The following NCOA1 variants were observed in gnomAD, a reference collection of about 807,000 sequenced individuals.
The protein encoded by NCOA1 is Hin-2 protein.
In NCOA1, 35 loss-of-function variants were observed where a neutral mutation model predicts 150.9. The ratio of observed to expected loss-of-function variants is 0.23; its 90% CI spans 0.18 to 0.31. The LOEUF (loss-of-function observed/expected upper bound fraction) is 0.31. Among genes scored for constraint, NCOA1 ranks in the 10% least tolerant of loss-of-function variants. The pLI is 1.00. For missense variants in NCOA1, 1,491 were observed against 1,749.3 expected, an observed-to-expected ratio of 0.85 and a Z score of 2.63; for synonymous variants, 590 against 630.0, an observed-to-expected ratio of 0.94 and a Z score of 0.95.
intron 14 of NCOA1, among the ~76,000 whole-genome samples, chr2:24,723,116 A>G (rs924572917): frequency 6.6e-6 from 1 of 152,114 alleles, no homozygotes; most frequent in Admixed American, 6.5e-5. Flanking sequence ...ATATATAGTG[A>G]AAAATATCTT....
chr2:24,714,844 T>G, intron 14 of NCOA1, among the ~76,000 whole-genome samples: 1 of 151,950 alleles, frequency 6.6e-6, no homozygotes, highest in East Asian at 1.9e-4. Flanking sequence ...AAGAGTTTAA[T>G]GAATCCCAAG....
rs773372647 is a variant in NCOA1 at position 24,742,034 on chromosome 2, G to A, written c.3554G>A (p.Ser1185Asn). 2 of 1,614,052 alleles carry A rather than the reference G, an allele frequency of 1.2e-6. No homozygotes were observed. Among genetic ancestry groups the A allele is most frequent in the Non-Finnish European group, 1.7e-6 (2 of 1,180,030 alleles). The change falls in exon 19 of 23, where the codon AGC becomes AAC. Residue 1185 changes from serine to asparagine, a missense_variant. This residue lies in a region of NCOA1 where 485 missense variants were observed against 522.8 expected (regional missense o/e 0.93). Coordinates refer to ENST00000348332, the MANE Select transcript of NCOA1 (RefSeq NM_003743.5). ...TNPGTPPAST[S>N]PFSQLAANPE... Reference sequence around the variant, plus strand: ...CCAGGAACCCCACCTGCTTCTACCAGCCCGTTTTCACAACTAGCAGCAAAT... The same window carrying A: ...CCAGGAACCCCACCTGCTTCTACCAACCCGTTTTCACAACTAGCAGCAAAT...
intron 15 of NCOA1, 92 bp downstream of exon 15, chr2:24,726,798 G>T: frequency 8.6e-6 from 5 of 583,752 alleles, no homozygotes; most frequent in Non-Finnish European, 1.1e-5. Context: ...GTCTACAGTG[G>T]TATTTTGTGA....
intron 1 of NCOA1, among the ~76,000 whole-genome samples, chr2:24,562,269 A>G (rs1666322244): frequency 6.6e-6 from 1 of 152,188 alleles, no homozygotes. Context: ...GAAATCTGAA[A>G]TGCTTCACAT....
chr2:24,634,168 A>C (rs946326948), intron 3 of NCOA1, among the ~76,000 whole-genome samples: 1 of 152,196 alleles, frequency 6.6e-6, no homozygotes, highest in Non-Finnish European at 1.5e-5. Flanking sequence ...AATTGACCAG[A>C]AGGTATGTAC....
At chr2:24,705,761 A>T (rs556103481) in intron 12 of NCOA1, among the ~76,000 whole-genome samples, 77 of 152,324 alleles carry the variant, frequency 5.1e-4, no homozygotes, top group African/African-American at 1.8e-3. Flanking sequence ...ATGAATTATT[A>T]GAAATCCTAC....
intron 4 of NCOA1, among the ~76,000 whole-genome samples, chr2:24,657,191 G>A (rs1329862915): frequency 6.6e-6 from 1 of 152,040 alleles, no homozygotes; most frequent in East Asian, 1.9e-4. Flanking sequence ...CCTTATCAGG[G>A]AAATGAGACC....
chr2:24,571,284 A>G (rs952794166), intron 2 of NCOA1, among the ~76,000 whole-genome samples: 2 of 152,134 alleles, frequency 1.3e-5, no homozygotes, highest in African/African-American at 4.8e-5. Context: ...CCATAGGAAA[A>G]AGGTCCAAAA....
chr2:24,586,146 G>T (rs1307453232), intron 3 of NCOA1, among the ~76,000 whole-genome samples: 1 of 151,760 alleles, frequency 6.6e-6, no homozygotes, highest in Non-Finnish European at 1.5e-5. Context: ...CGTGGTGGCG[G>T]GCTCCTGTAG....
chr2:24,744,368 G>A (rs1285135661), intron 19 of NCOA1, among the ~76,000 whole-genome samples: 1 of 152,212 alleles, frequency 6.6e-6, no homozygotes, highest in Non-Finnish European at 1.5e-5. Context: ...AAATGAAATG[G>A]CAGGGCTGTC....
intron 19 of NCOA1, among the ~76,000 whole-genome samples, chr2:24,750,826 C>T (rs1355535403): frequency 1.3e-5 from 2 of 150,416 alleles, no homozygotes; most frequent in African/African-American, 2.4e-5. Flanking sequence ...AATGGCGGCA[C>T]AACTCTATAA....
In NCOA1 at chr2:24,570,724, A is replaced by G. The variant is rs563261258; in HGVS notation, c.-260+6294A>G. Among the ~76,000 whole-genome samples the G allele has an allele frequency of 5.9e-5, 9 of 152,318 alleles. No individual in the cohort carries two copies. The East Asian group carries it at 1.5e-3, about 26-fold the overall frequency. The stretch of plus-strand genomic sequence containing the variant: ...AAAAAGTTGAACCCGAATGTGATCA[A>G]GTCTCTAGCTCTACCAGTTTACAGG... On this transcript the variant is annotated intron_variant, in intron 2 of 22. Coordinates refer to ENST00000348332, the MANE Select transcript of NCOA1 (RefSeq NM_003743.5).
intron 3 of NCOA1, among the ~76,000 whole-genome samples, chr2:24,597,119 T>C (rs1406976059): frequency 1.3e-5 from 2 of 151,932 alleles, no homozygotes; most frequent in African/African-American, 4.8e-5. Context: ...AACAGTGTTT[T>C]ACCTATGGGA....
chr2:24,717,904 T>TA (rs1674129633), intron 14 of NCOA1, among the ~76,000 whole-genome samples: 1 of 115,612 alleles, frequency 8.6e-6, no homozygotes, highest in Non-Finnish European at 2.0e-5. Context: ...ATGGTTAATA[T>TA]CTTTTTTTTT....
intron 14 of NCOA1, among the ~76,000 whole-genome samples, chr2:24,724,414 C>T (rs1572644458): frequency 6.6e-6 from 1 of 152,232 alleles, no homozygotes; most frequent in East Asian, 1.9e-4. Context: ...ACATTTTTTA[C>T]AGAAGGCAGT....
chr2:24,714,683 C>G (rs1241230641), intron 14 of NCOA1, among the ~76,000 whole-genome samples: 1 of 151,924 alleles, frequency 6.6e-6, no homozygotes, highest in Non-Finnish European at 1.5e-5. Flanking sequence ...ATTGAAAGAC[C>G]TCAGTCACCT....
At chr2:24,610,910 A>G (rs1258712197) in intron 3 of NCOA1, among the ~76,000 whole-genome samples, 3 of 152,018 alleles carry the variant, frequency 2.0e-5, no homozygotes, top group East Asian at 1.9e-4. Flanking sequence ...TTAGGGGTCT[A>G]TGAACATAGG....
chr2:24,559,779 G>C (rs374536422), intron 1 of NCOA1, among the ~76,000 whole-genome samples: 1 of 146,936 alleles, frequency 6.8e-6, no homozygotes, highest in African/African-American at 2.5e-5. Flanking sequence ...TCCACCACCT[G>C]GCAGAGGTTC....
At chr2:24,760,309 T>A (rs1254396699) in intron 21 of NCOA1, among the ~76,000 whole-genome samples, 1 of 135,132 alleles carries the variant, frequency 7.4e-6, no homozygotes, top group South Asian at 2.4e-4. Flanking sequence ...CCGGCTAATT[T>A]TTTTTTTTTT....
Sources: allele counts gnomAD v4.1 joint callset (sites outside exome capture counted in the v4.1 genomes callset), GRCh38; gene constraint gnomAD v4.1.1; regional missense constraint gnomAD v4.1.1; transcripts MANE v1.5; gene names NCBI Gene and HGNC (gene_info 2026-07-23, HGNC 2026-07-21).